The following CACNA2D3 variants were observed in gnomAD, a reference collection of about 807,000 sequenced individuals.
CACNA2D3 encodes voltage-dependent calcium channel subunit alpha-2/delta-3.
CACNA2D3 carries 60 observed loss-of-function variants against 160.6 expected under a neutral mutation model. That is an observed-to-expected ratio of 0.37 (90% CI 0.30 to 0.46). The LOEUF (loss-of-function observed/expected upper bound fraction) is 0.46, where lower values mean the gene tolerates loss of function less well. Ranked by LOEUF, CACNA2D3 falls within the 20% of genes least tolerant of loss-of-function variation. CACNA2D3 has a pLI of 1.00. For synonymous variants in CACNA2D3, 558 were observed against 492.9 expected (o/e 1.13, Z -1.75); for missense variants, 1,205 against 1,365.0 (o/e 0.88, Z 1.85).
At chr3:54,234,947 ACAAACCCC>A (rs1701846150) in intron 2 of CACNA2D3, among the ~76,000 whole-genome samples, 1 of 152,194 alleles carries the variant, frequency 6.6e-6, no homozygotes, top group Non-Finnish European at 1.5e-5. Context: ...AATATGTACA[ACAAACCCC>A]CAAGACACAT....
chr3:54,590,445 T>C (rs2106754453), intron 9 of CACNA2D3, among the ~76,000 whole-genome samples: 1 of 152,168 alleles, frequency 6.6e-6, no homozygotes, highest in South Asian at 2.1e-4. Context: ...GGAGAGGTCA[T>C]TGTGATTATA....
intron 3 of CACNA2D3, among the ~76,000 whole-genome samples, chr3:54,337,077 TAGACAGACAGAC>T (rs145837278): frequency 2.0e-5 from 3 of 151,728 alleles, no homozygotes; most frequent in Non-Finnish European, 4.4e-5. Flanking sequence ...GAACGAGACA[TAGACAGACAGAC>T]AGACAGACAG....
At chr3:54,883,692 A>T (rs943221175) in intron 21 of CACNA2D3, among the ~76,000 whole-genome samples, 1 of 151,824 alleles carries the variant, frequency 6.6e-6, no homozygotes, top group Non-Finnish European at 1.5e-5. Context: ...TGCACTTGTT[A>T]TTCCTTCTGC....
chr3:54,243,138 T>C, intron 2 of CACNA2D3, among the ~76,000 whole-genome samples: 1 of 152,136 alleles, frequency 6.6e-6, no homozygotes, highest in Non-Finnish European at 1.5e-5. Context: ...GTACCCCCTG[T>C]CCCCACTCTC....
At chr3:54,148,400 A>G (rs892860856) in intron 2 of CACNA2D3, among the ~76,000 whole-genome samples, 2 of 152,196 alleles carry the variant, frequency 1.3e-5, no homozygotes, top group Non-Finnish European at 2.9e-5. Context: ...GGAGACCTCA[A>G]AAAGGTGACT....
At chr3:54,864,263 T>G (rs1318590374) in intron 17 of CACNA2D3, among the ~76,000 whole-genome samples, 2 of 151,972 alleles carry the variant, frequency 1.3e-5, no homozygotes, top group Non-Finnish European at 2.9e-5. Flanking sequence ...GCCACTCAGT[T>G]TATTGTAGGT....
chr3:54,992,424 G>C (rs1489851389), intron 31 of CACNA2D3, among the ~76,000 whole-genome samples: 2 of 152,084 alleles, frequency 1.3e-5, no homozygotes, highest in African/African-American at 4.8e-5. Flanking sequence ...CTTCCTTCCT[G>C]GATGTCTCCC....
intron 27 of CACNA2D3, chr3:54,901,189 A>C (rs1274983678): frequency 1.3e-5 from 2 of 152,198 alleles, no homozygotes; most frequent in African/African-American, 4.8e-5. Flanking sequence ...CTAATTCTGA[A>C]GGCATGTTGT....
intron 2 of CACNA2D3, among the ~76,000 whole-genome samples, chr3:54,247,523 A>C (rs941616764): frequency 6.6e-5 from 10 of 152,228 alleles, no homozygotes; most frequent in African/African-American, 2.4e-4. Context: ...GAGCAAATAA[A>C]CACAACAGAT....
intron 3 of CACNA2D3, among the ~76,000 whole-genome samples, chr3:54,340,758 C>T (rs1704499813): frequency 6.6e-6 from 1 of 152,134 alleles, no homozygotes; most frequent in South Asian, 2.1e-4. Context: ...GTACAGCATC[C>T]ACTATTCTAC....
intron 27 of CACNA2D3, among the ~76,000 whole-genome samples, chr3:54,934,239 A>AT (rs1054244381): frequency 2.0e-5 from 3 of 152,176 alleles, no homozygotes; most frequent in Non-Finnish European, 4.4e-5. Flanking sequence ...CCCTAAGGTC[A>AT]TTTTTTACAC....
At chr3:54,615,882 C>T (rs933965788) in intron 9 of CACNA2D3, among the ~76,000 whole-genome samples, 2 of 152,184 alleles carry the variant, frequency 1.3e-5, no homozygotes, top group African/African-American at 4.8e-5. Flanking sequence ...GATCAGCCAG[C>T]AGCATCATTT....
At chr3:54,466,802 G>A (rs922151719) in intron 4 of CACNA2D3, among the ~76,000 whole-genome samples, 2 of 152,168 alleles carry the variant, frequency 1.3e-5, no homozygotes, top group African/African-American at 4.8e-5. Context: ...AAAAGTGGGT[G>A]TCCTTCAAAA....
rs200276567 is a variant in CACNA2D3 at position 55,046,370 on chromosome 3, C to T, written c.2988-27075C>T. Among the ~76,000 whole-genome samples, 21 of 105,484 alleles carry T rather than the reference C, an allele frequency of 2.0e-4. 1 individual carries two copies. Among genetic ancestry groups the T allele is most frequent in the East Asian group, 2.4e-4 (1 of 4,230 alleles). The allele number at this position is 105,484 out of a possible 152,430, so 69.2% of individuals were successfully genotyped here. On this transcript the variant is annotated intron_variant, in intron 35 of 37. Transcript: ENST00000474759. ...TGCAGTGTTTGGTTTTTTGTTCTTG[C>T]GATAGTTTACTGAGAATGATGATTT... is the stretch of plus-strand genomic sequence containing the variant.
At chr3:54,290,920 G>C (rs886654316) in intron 2 of CACNA2D3, among the ~76,000 whole-genome samples, 1 of 151,968 alleles carries the variant, frequency 6.6e-6, no homozygotes, top group African/African-American at 2.4e-5. Flanking sequence ...GGGGTAGCGG[G>C]GGGTGAGGGA....
chr3:54,662,507 A>G (rs2106883610), intron 11 of CACNA2D3, among the ~76,000 whole-genome samples: 1 of 152,354 alleles, frequency 6.6e-6, no homozygotes, highest in South Asian at 2.1e-4. Context: ...CCTCTTGGAC[A>G]GGAACAGCCA....
chr3:54,178,722 A>C (rs1700721484), intron 2 of CACNA2D3, among the ~76,000 whole-genome samples: 1 of 152,230 alleles, frequency 6.6e-6, no homozygotes, highest in Non-Finnish European at 1.5e-5. Context: ...AATCTGTCAA[A>C]ATAAAAACTG....
chr3:54,518,454 C>T (rs1183485772), intron 5 of CACNA2D3, among the ~76,000 whole-genome samples: 2 of 152,156 alleles, frequency 1.3e-5, no homozygotes, highest in Non-Finnish European at 2.9e-5. Flanking sequence ...TGAGAAGCAC[C>T]GAGATGGGGT....
chr3:54,446,628 T>C (rs1700226020), intron 4 of CACNA2D3, among the ~76,000 whole-genome samples: 1 of 152,200 alleles, frequency 6.6e-6, no homozygotes, highest in African/African-American at 2.4e-5. Flanking sequence ...TGCCTCTTTT[T>C]GATCAAATCA....
Sources: allele counts gnomAD v4.1 joint callset (sites outside exome capture counted in the v4.1 genomes callset), GRCh38; gene constraint gnomAD v4.1.1; transcripts MANE v1.5; gene names NCBI Gene and HGNC (gene_info 2026-07-23, HGNC 2026-07-21).